SLC35F2: variants seen among roughly 807,000 people sequenced by gnomAD.
The protein encoded by SLC35F2 is queuine/queuosine transporter SLC35F2.
In SLC35F2, 25 loss-of-function variants were observed where a neutral mutation model predicts 38.1. That is an observed-to-expected ratio of 0.66 (90% CI 0.48 to 0.92). The LOEUF (loss-of-function observed/expected upper bound fraction) is 0.92, where lower values mean the gene tolerates loss of function less well. Ranked by LOEUF, SLC35F2 falls within the 40% of genes least tolerant of loss-of-function variation. The pLI is 0.00. For missense variants in SLC35F2, 409 were observed against 452.9 expected, an observed-to-expected ratio of 0.90 and a Z score of 0.88; for synonymous variants, 173 against 181.7, an observed-to-expected ratio of 0.95 and a Z score of 0.38.
chr11:107,802,991 A>AT lies in SLC35F2; in HGVS notation c.939+9dup. On this transcript the variant is annotated intron_variant, in intron 7 of 7. Transcript: ENST00000525815. ...AAGTATTCTTATTTGAACGTGATCT[A>AT]TTTGTTTACCTTATAGCCAAACAGA... 3 of 1,600,804 alleles carry AT rather than the reference A, an allele frequency of 1.9e-6. No individual in the cohort carries two copies. In the African/African-American group the frequency reaches 4.0e-5, roughly 22 times the overall value.
In SLC35F2 at chr11:107,844,524, C is replaced by T. The variant is rs988264660; in HGVS notation, c.110+14134G>A. ...CCTGTAATCCCAGCTACTCAGGAGG[C>T]GGAAGCAGAATCGCTTGAACCCGGG... is the stretch of plus-strand genomic sequence containing the variant. On this transcript the variant is annotated intron_variant, in intron 1 of 7. Coordinates refer to ENST00000525815, the MANE Select transcript of SLC35F2 (RefSeq NM_017515.5). Among the ~76,000 whole-genome samples the T allele has an allele frequency of 2.5e-5, 3 of 118,708 alleles. No individual in the cohort carries two copies. In the Admixed American group the frequency reaches 2.9e-4, roughly 12 times the overall value. The allele number at this position is 118,708 out of a possible 152,430, so 77.9% of individuals were successfully genotyped here.
chr11:107,830,024 G>A (rs942000205), intron 1 of SLC35F2, among the ~76,000 whole-genome samples: 5 of 151,990 alleles, frequency 3.3e-5, no homozygotes, highest in African/African-American at 1.2e-4. Context: ...ACGTTGGGAA[G>A]GCCAAGGCGG....
At chr11:107,802,979 T>G (rs1859335876) in intron 7 of SLC35F2, 22 bp downstream of exon 7, 1 of 1,580,220 alleles carries the variant, frequency 6.3e-7, no homozygotes, top group Non-Finnish European at 8.6e-7. Flanking sequence ...TATTCTTATT[T>G]GAACGTGATC....
intron 1 of SLC35F2, among the ~76,000 whole-genome samples, chr11:107,851,522 C>T (rs1860186395): frequency 7.3e-6 from 1 of 136,056 alleles, no homozygotes; most frequent in African/African-American, 2.7e-5. Flanking sequence ...GAGAAACACA[C>T]TAGATGAAAA....
intron 7 of SLC35F2, among the ~76,000 whole-genome samples, chr11:107,798,357 TA>T (rs1190516343): frequency 6.6e-6 from 1 of 152,216 alleles, no homozygotes; most frequent in Non-Finnish European, 1.5e-5. Context: ...TGTTTACTGT[TA>T]CCTGTGAAAA....
At chr11:107,847,089 C>T (rs776554006) in intron 1 of SLC35F2, among the ~76,000 whole-genome samples, 1 of 152,128 alleles carries the variant, frequency 6.6e-6, no homozygotes, top group Non-Finnish European at 1.5e-5. Context: ...CTTACCCTGT[C>T]GCCCAGGCTA....
At chr11:107,836,107 TAAAC>T (rs1859926121) in intron 1 of SLC35F2, among the ~76,000 whole-genome samples, 1 of 152,336 alleles carries the variant, frequency 6.6e-6, no homozygotes, top group East Asian at 1.9e-4. Flanking sequence ...TGGTATAACC[TAAAC>T]AGTCAGTAGC....
At chr11:107,842,515 C>A (rs1368039082) in intron 1 of SLC35F2, among the ~76,000 whole-genome samples, 1 of 151,572 alleles carries the variant, frequency 6.6e-6, no homozygotes, top group Non-Finnish European at 1.5e-5. Context: ...CCACCATACC[C>A]CTCTAATTAA....
rs1054490942 is a variant in SLC35F2 at position 107,820,048 on chromosome 11, G to A, written c.111-4083C>T. ...AGGCGGATGGATTACCCGAGGTCAG[G>A]AGTTTGAGACCAGCTTGGTCAACAT... is the stretch of plus-strand genomic sequence containing the variant. On this transcript the variant is annotated intron_variant, in intron 1 of 7. Coordinates refer to ENST00000525815, the MANE Select transcript of SLC35F2 (RefSeq NM_017515.5). Among the ~76,000 whole-genome samples, 6 of 152,158 alleles carry A rather than the reference G, an allele frequency of 3.9e-5. 1 individual carries two copies. Among genetic ancestry groups the A allele is most frequent in the African/African-American group, 1.2e-4 (5 of 41,526 alleles).
intron 3 of SLC35F2, chr11:107,811,031 C>A: frequency 4.1e-6 from 4 of 985,162 alleles, no homozygotes; most frequent in Non-Finnish European, 4.8e-6. Flanking sequence ...CTCACTTTCA[C>A]CTCCACTTAT....
At chr11:107,850,133 A>G (rs183495646) in intron 1 of SLC35F2, among the ~76,000 whole-genome samples, 1 of 152,288 alleles carries the variant, frequency 6.6e-6, no homozygotes, top group Non-Finnish European at 1.5e-5. Context: ...GTGATTCTGT[A>G]GTGCCCAAGA....
chr11:107,811,886 T>G, intron 2 of SLC35F2, 92 bp from the exon 3 acceptor site: 3 of 1,241,286 alleles, frequency 2.4e-6, no homozygotes, highest in Non-Finnish European at 3.3e-6. Flanking sequence ...CAAGAGTTTC[T>G]TGTTTTTTTT....
chr11:107,795,709 G>A (rs1429571038), intron 7 of SLC35F2, among the ~76,000 whole-genome samples: 3 of 152,140 alleles, frequency 2.0e-5, no homozygotes, highest in Non-Finnish European at 4.4e-5. Context: ...ACAGGTATAT[G>A]AAAAAATGTT....
In SLC35F2 at chr11:107,803,084, T is replaced by C. The variant is rs1392854358; in HGVS notation, c.856A>G (p.Thr286Ala). ...CCCAGGTTGACGGAAGTGGCACTAG[T>C]GACTTTAATCACCAATGGCATGAAG... ...YSFMPLVIKV[T>A]SATSVNLGIL... The change falls in exon 7 of 8, where the codon ACT (threonine) becomes GCT (alanine). Residue 286 changes from threonine (T) to alanine (A), a missense_variant. Transcript: ENST00000525815. 1 of 1,614,018 alleles carries C rather than the reference T, an allele frequency of 6.2e-7. No individual in the cohort carries two copies. Among genetic ancestry groups the C allele is most frequent in the Non-Finnish European group, 8.5e-7 (1 of 1,179,970 alleles).
At chr11:107,805,842 A>C (rs913599331) in intron 4 of SLC35F2, among the ~76,000 whole-genome samples, 1 of 152,084 alleles carries the variant, frequency 6.6e-6, no homozygotes, top group African/African-American at 2.4e-5. Context: ...ATGCCTGGCT[A>C]ATTTTTGCAT....
rs1325940062 is a variant in SLC35F2 at position 107,816,243 on chromosome 11, A to G, written c.111-278T>C. On this transcript the variant is annotated intron_variant, in intron 1 of 7. Coordinates refer to ENST00000525815, the MANE Select transcript of SLC35F2 (RefSeq NM_017515.5). Reference sequence around the variant, plus strand: ...GAGATCATTTTGATTACTCAGCTATAACATATACTTTGTAAAGTGCGCACG... The same window carrying G: ...GAGATCATTTTGATTACTCAGCTATGACATATACTTTGTAAAGTGCGCACG... 7 of 984,338 alleles carry G rather than the reference A, an allele frequency of 7.1e-6. No homozygotes were observed. The African/African-American group carries it at 1.2e-4, about 17-fold the overall frequency. 61.0% of individuals were successfully genotyped at this position (984,338 alleles called of 1,614,324 possible).
intron 1 of SLC35F2, among the ~76,000 whole-genome samples, chr11:107,850,767 C>A (rs1243040321): frequency 6.7e-6 from 1 of 150,196 alleles, no homozygotes; most frequent in Non-Finnish European, 1.5e-5. Context: ...GCTGCAGTGA[C>A]CCAAAATCAT....
intron 1 of SLC35F2, among the ~76,000 whole-genome samples, chr11:107,826,366 T>C (rs1859755610): frequency 6.6e-6 from 1 of 152,116 alleles, no homozygotes; most frequent in Non-Finnish European, 1.5e-5. Flanking sequence ...AACCTCCGCT[T>C]CCCAAGTAGC....
At chr11:107,818,934 A>G (rs748825006) in intron 1 of SLC35F2, among the ~76,000 whole-genome samples, 1 of 152,156 alleles carries the variant, frequency 6.6e-6, no homozygotes, top group Non-Finnish European at 1.5e-5. Flanking sequence ...TGAGCCCAAG[A>G]GTTCAAAACC....
Sources: gnomAD v4.1 joint callset for allele counts (sites outside exome capture counted in the v4.1 genomes callset) on GRCh38, gnomAD v4.1.1 for gene constraint, MANE v1.5 for transcripts, NCBI Gene and HGNC (gene_info 2026-07-23, HGNC 2026-07-21) for gene names.